MRPL52: variants seen among roughly 807,000 people sequenced by gnomAD.
MRPL52 encodes large ribosomal subunit protein mL52.
A neutral mutation model predicts 22.1 loss-of-function variants in MRPL52; 19 were observed. That is an observed-to-expected ratio of 0.86 (90% CI 0.60 to 1.26). MRPL52 has a LOEUF of 1.26. Ranked by LOEUF, MRPL52 falls within the 50% of genes most tolerant of loss-of-function variation. The pLI, the probability that MRPL52 is intolerant of heterozygous loss-of-function variation, is 0.00. For synonymous variants in MRPL52, 50 were observed against 57.5 expected (o/e 0.87, Z 0.59); for missense variants, 152 against 148.1 (o/e 1.03, Z -0.14).
chr14:22,830,866 T>C, intron 3 of MRPL52: 1 of 781,654 alleles, frequency 1.3e-6, no homozygotes, highest in Non-Finnish European at 2.0e-6. Flanking sequence ...CACATGATCA[T>C]ACAGCTAGGT....
At chr14:22,833,255 C>T in intron 3 of MRPL52, 163 bp from the exon 4 acceptor site, 1 of 599,134 alleles carries the variant, frequency 1.7e-6, no homozygotes, top group Non-Finnish European at 3.0e-6. Context: ...CGTACCTCAC[C>T]CTTGAAGATG....
At position 22,833,526 on chromosome 14, in the gene MRPL52, AT is replaced by A. The variant is rs770493413; in HGVS notation, c.219+47del. ...AGCCAGGGCTACCTGGAAGGAGAAC[AT>A]TTAAATCATAATTTGTCTTGAGCTG... On this transcript the variant is annotated intron_variant, in intron 4 of 4. Transcript: ENST00000397496. The A allele has an allele frequency of 2.0e-5, 28 of 1,424,326 alleles. No individual in the cohort carries two copies. The African/African-American group carries it at 3.8e-4, about 19-fold the overall frequency. 88.2% of individuals were successfully genotyped at this position (1,424,326 alleles called of 1,614,324 possible).
intron 3 of MRPL52, among the ~76,000 whole-genome samples, chr14:22,832,257 G>A (rs2039637531): frequency 6.6e-6 from 1 of 152,170 alleles, no homozygotes; most frequent in South Asian, 2.1e-4. Context: ...GGAAAAGAGG[G>A]CATTTCATTG....
chr14:22,830,306 G>T, intron 3 of MRPL52, 52 bp downstream of exon 3: 3 of 1,594,314 alleles, frequency 1.9e-6, no homozygotes, highest in South Asian at 2.2e-5. Context: ...CACCTAGAGG[G>T]AACGCCCCTG....
chr14:22,833,124 G>T, intron 3 of MRPL52: 1 of 222,180 alleles, frequency 4.5e-6, no homozygotes, highest in Non-Finnish European at 8.9e-6. Flanking sequence ...GTTGCAGTGA[G>T]CTGAGATTGC....
intron 3 of MRPL52, among the ~76,000 whole-genome samples, chr14:22,832,367 G>A (rs1055634528): frequency 6.6e-6 from 1 of 152,134 alleles, no homozygotes; most frequent in Non-Finnish European, 1.5e-5. Context: ...TTGAGATGGA[G>A]TCAGGCTCTG....
In MRPL52 at chr14:22,829,891, AC is replaced by A; in HGVS notation, c.-18del. 6.5e-7 allele frequency: 1 copy of A among 1,544,060 alleles called. No individual in the cohort carries two copies. The highest frequency in any genetic ancestry group is 1.2e-5 in the South Asian group (1 of 85,062). ...ACCGAGGCCACGCCTACTTCCGGCT[AC>A]CCCGGCTACTCCTGCTCAGCATGGC... On this transcript the variant is annotated 5_prime_UTR_variant, in exon 1 of 5. Transcript: ENST00000397496.
chr14:22,831,816 T>G (rs749256580), intron 3 of MRPL52: 6 of 152,222 alleles, frequency 3.9e-5, no homozygotes, highest in Non-Finnish European at 7.3e-5. Context: ...CCAAAGAACT[T>G]AAAGTCTAAC....
At position 22,834,606 on chromosome 14, in the gene MRPL52, G is replaced by A. The variant is rs1188844725; in HGVS notation, c.*285G>A. On this transcript the variant is annotated 3_prime_UTR_variant, in exon 5 of 5. Coordinates refer to ENST00000397496, the MANE Select transcript of MRPL52 (RefSeq NM_180982.3). ...TCCCAGCACTTTGGGAGGCTGAGGCGGGCAGATCACAAGATCAGGAGTTCG... is the reference window on the plus strand; with the variant it reads ...TCCCAGCACTTTGGGAGGCTGAGGCAGGCAGATCACAAGATCAGGAGTTCG... 7.8e-6 allele frequency: 2 copies of A among 257,072 alleles called. No individual in the cohort carries two copies. The highest frequency in any genetic ancestry group is 5.3e-5 in the Admixed American group (1 of 18,934). 15.9% of individuals were successfully genotyped at this position (257,072 alleles called of 1,614,324 possible).
At chr14:22,831,279 ATT>A in intron 3 of MRPL52, 35 of 365,082 alleles carry the variant, frequency 9.6e-5, no homozygotes, top group East Asian at 1.9e-4. Context: ...TTCCTGGCTA[ATT>A]TTTTTTTTTA....
At chr14:22,830,887 C>T in intron 3 of MRPL52, 1 of 1,040,240 alleles carries the variant, frequency 9.6e-7, no homozygotes, top group Non-Finnish European at 1.4e-6. Flanking sequence ...AGTAGCAAAT[C>T]CAGGACTAGA....
At chr14:22,831,055 T>G in intron 3 of MRPL52, 6 of 1,449,876 alleles carry the variant, frequency 4.1e-6, no homozygotes, top group Non-Finnish European at 4.7e-6. Context: ...GCCTGGCATC[T>G]CCTTGTAGTA....
intron 3 of MRPL52, chr14:22,831,243 G>T: frequency 2.1e-6 from 1 of 485,242 alleles, no homozygotes; most frequent in Non-Finnish European, 3.6e-6. Context: ...CCCCCAAGTA[G>T]GTGGGACCAC....
At chr14:22,832,278 TGGAATTTA>T (rs1164553859) in intron 3 of MRPL52, among the ~76,000 whole-genome samples, 2 of 152,084 alleles carry the variant, frequency 1.3e-5, no homozygotes. Context: ...TGGAGTGGGA[TGGAATTTA>T]GCAAAGGTAC....
At chr14:22,831,059 TGTA>T (rs899384795) in intron 3 of MRPL52, 4 of 1,387,812 alleles carry the variant, frequency 2.9e-6, no homozygotes, top group Non-Finnish European at 3.9e-6. Context: ...GGCATCTCCT[TGTA>T]GTAGTATGGA....
rs147747092 is a variant in MRPL52 at position 22,829,917 on chromosome 14, C to T, written c.5C>T (p.Ala2Val). 8.3e-5 allele frequency: 130 copies of T among 1,570,648 alleles called. 1 individual carries two copies. The highest frequency in any genetic ancestry group is 1.0e-4 in the Non-Finnish European group (117 of 1,156,528). Residue 2 changes from alanine to valine, a missense_variant, in exon 1 of 5, where the codon GCT becomes GTT. Physicochemically the swap from Ala to Val is moderately conservative, Grantham distance 64. Coordinates refer to ENST00000397496, the MANE Select transcript of MRPL52 (RefSeq NM_180982.3). ...CCCCGGCTACTCCTGCTCAGCATGG[C>T]TGCTTTAGGGACTGTTCTCTTCAGT... is the stretch of plus-strand genomic sequence containing the variant. The part of the protein sequence containing the change: M[A>V]ALGTVLFSVR...
Position 22,834,881 on chromosome 14 carries a change from C to T in MRPL52, c.*560C>T, listed in dbSNP as rs1464489002. ...AAAAAAATTTACCTCCTTTGCAGGC[C>T]ATAGGACTAGCCCAACTATGAGAAA... On this transcript the variant is annotated 3_prime_UTR_variant, in exon 5 of 5. Coordinates refer to ENST00000397496, the MANE Select transcript of MRPL52 (RefSeq NM_180982.3). 1 of 152,350 alleles carries T rather than the reference C, an allele frequency of 6.6e-6. No homozygotes were observed. The highest frequency in any genetic ancestry group is 1.5e-5 in the Non-Finnish European group (1 of 68,298). The allele number at this position is 152,350 out of a possible 1,614,324, so 9.4% of individuals were successfully genotyped here. A position where few individuals can be genotyped will look rare whatever the true frequency, so the allele number is the denominator to read the frequency against.
rs1041155932 is a variant in MRPL52, at chr14:22,834,381, T to G, written c.*60T>G. 6.5e-7 allele frequency: 1 copy of G among 1,530,426 alleles called. No homozygotes were observed. Among genetic ancestry groups the G allele is most frequent in the Admixed American group, 2.1e-5 (1 of 46,658 alleles). The allele number at this position is 1,530,426 out of a possible 1,614,324, so 94.8% of individuals were successfully genotyped here. Reference sequence around the variant, plus strand: ...CTGGATTTCTTTTCTATCACCTAGATGCTTCATCCAGCCAGAAGATAGCCT... The same window carrying G: ...CTGGATTTCTTTTCTATCACCTAGAGGCTTCATCCAGCCAGAAGATAGCCT... On this transcript the variant is annotated 3_prime_UTR_variant, in exon 5 of 5. Transcript: ENST00000397496.
intron 4 of MRPL52, among the ~76,000 whole-genome samples, chr14:22,833,857 G>A (rs545613971): frequency 6.7e-4 from 102 of 152,272 alleles, no homozygotes; most frequent in East Asian, 1.9e-4. Flanking sequence ...CCCACCTCAG[G>A]TGATCCGCCT....
Sources: gnomAD v4.1 joint callset for allele counts (sites outside exome capture counted in the v4.1 genomes callset) on GRCh38, gnomAD v4.1.1 for gene constraint, MANE v1.5 for transcripts, NCBI Gene and HGNC (gene_info 2026-07-23, HGNC 2026-07-21) for gene names.